Variants in HS6ST2 observed in about 807,000 individuals in gnomAD.
HS6ST2 encodes the protein heparan sulfate 6-O-sulfotransferase 2.
Under a neutral mutation model 33.0 loss-of-function variants are expected in HS6ST2, and 17 were observed. That is an observed-to-expected ratio of 0.52 (90% CI 0.35 to 0.77). HS6ST2 has a LOEUF of 0.77. Ranked by LOEUF, HS6ST2 falls within the 30% of genes least tolerant of loss-of-function variation. The probability of loss-of-function intolerance (pLI) is 0.01; values close to 1 mark genes in which losing one functional copy is unlikely to be tolerated. For missense variants in HS6ST2, 519 were observed against 551.7 expected (o/e 0.94, Z 0.59); for synonymous variants, 248 against 237.1 (o/e 1.05, Z -0.42).
chrX:132,857,490 A>C (rs886711342), intron 2 of HS6ST2, among the ~76,000 whole-genome samples: 1 of 110,389 alleles, frequency 9.1e-6, no homozygotes, highest in African/African-American at 3.3e-5. Flanking sequence ...TCTCAAAAAA[A>C]AAAAGAAAAA....
intron 2 of HS6ST2, among the ~76,000 whole-genome samples, chrX:132,716,632 A>G (rs1395626641): frequency 8.9e-6 from 1 of 112,273 alleles, no homozygotes; most frequent in African/African-American, 3.2e-5. Context: ...GATGCATTTC[A>G]GTTTGATCAT....
chrX:132,731,921 G>A (rs772396048), intron 2 of HS6ST2, among the ~76,000 whole-genome samples: 37 of 111,452 alleles, frequency 3.3e-4, no homozygotes, highest in African/African-American at 1.2e-3. Context: ...GCCTGCCCTG[G>A]GAGCTACTCT....
chrX:132,667,693 A>C (rs1232977358), intron 4 of HS6ST2: 1 of 112,370 alleles, frequency 8.9e-6, no homozygotes, highest in Non-Finnish European at 1.9e-5. Context: ...GGGACTAATA[A>C]ATGGAGATTG....
chrX:132,799,056 C>T (rs1251105618), intron 2 of HS6ST2, among the ~76,000 whole-genome samples: 1 of 111,487 alleles, frequency 9.0e-6, no homozygotes, highest in Non-Finnish European at 1.9e-5. Context: ...CCTATGTTGC[C>T]CAGGCTGGTG....
At chrX:132,794,168 A>G (rs2148346222) in intron 2 of HS6ST2, among the ~76,000 whole-genome samples, 1 of 112,248 alleles carries the variant, frequency 8.9e-6, no homozygotes, top group African/African-American at 3.2e-5. Flanking sequence ...ATCTCAAACT[A>G]GCTCTCATAT....
chrX:132,805,604 T>C (rs1467794480), intron 2 of HS6ST2, among the ~76,000 whole-genome samples: 2 of 109,137 alleles, frequency 1.8e-5, no homozygotes, highest in Non-Finnish European at 3.9e-5. Flanking sequence ...CAGCCCCAAG[T>C]ATACCTCATC....
chrX:132,912,352 A>G, intron 2 of HS6ST2, among the ~76,000 whole-genome samples: 1 of 112,649 alleles, frequency 8.9e-6, no homozygotes, highest in Non-Finnish European at 1.9e-5. Flanking sequence ...CCAAGATCAC[A>G]GCTGCCCCAG....
At chrX:132,789,810 T>C (rs1308045144) in intron 2 of HS6ST2, among the ~76,000 whole-genome samples, 1 of 111,371 alleles carries the variant, frequency 9.0e-6, no homozygotes, top group Non-Finnish European at 1.9e-5. Context: ...TCACTGCAGA[T>C]GTGGTGGAAA....
Position 132,958,405 on chromosome X carries a change from C to T in HS6ST2, c.198G>A (p.Pro66=), listed in dbSNP as rs770364296. 8.4e-7 allele frequency: 1 copy of T among 1,197,017 alleles called. No homozygotes were observed. Among genetic ancestry groups the T allele is most frequent in the Non-Finnish European group, 1.1e-6 (1 of 891,266 alleles). ...RGVSHGFHTR[P]LLDKPRKASS... Reference sequence around the variant, plus strand: ...ACGCCTTTCGGGGCTTGTCCAGGAGCGGCCGGGTGTGGAATCCGTGAGACA... The same window carrying T: ...ACGCCTTTCGGGGCTTGTCCAGGAGTGGCCGGGTGTGGAATCCGTGAGACA... The change falls in exon 1 of 5, where the codon CCG becomes CCA. Residue 66 remains proline, a synonymous_variant. Coordinates refer to ENST00000370833, the MANE Select transcript of HS6ST2 (RefSeq NM_001394073.1).
At chrX:132,861,661 G>A (rs1369513884) in intron 2 of HS6ST2, among the ~76,000 whole-genome samples, 5 of 112,225 alleles carry the variant, frequency 4.5e-5, no homozygotes, top group Admixed American at 9.4e-5. Context: ...TCTTTGAAAA[G>A]CCCTAATTCA....
At position 132,893,929 on chromosome X, in the gene HS6ST2, G is replaced by A. The variant is rs970331596; in HGVS notation, c.947+62879C>T. On this transcript the variant is annotated intron_variant, in intron 2 of 4. Transcript: ENST00000370833. ...GTTTTTTCCCCACTGCATCCCAGGA[G>A]CTTCATCCAGAGCTCACTAATTATC... 9.0e-5 allele frequency among the ~76,000 whole-genome samples: 10 copies of A among 110,943 alleles called. 1 individual carries two copies. Among genetic ancestry groups the A allele is most frequent in the Non-Finnish European group, 1.7e-4 (9 of 53,041 alleles).
chrX:132,663,233 C>T (rs1437115908), intron 4 of HS6ST2, among the ~76,000 whole-genome samples: 1 of 112,441 alleles, frequency 8.9e-6, no homozygotes, highest in Admixed American at 9.4e-5. Context: ...AGCTGACTAG[C>T]ACTAGGTTAA....
At chrX:132,947,417 T>C (rs935836312) in intron 2 of HS6ST2, among the ~76,000 whole-genome samples, 12 of 111,196 alleles carry the variant, frequency 1.1e-4, no homozygotes, top group African/African-American at 3.6e-4. Flanking sequence ...CTTTTAGCTC[T>C]GCCAACTTTT....
intron 4 of HS6ST2, among the ~76,000 whole-genome samples, chrX:132,649,007 T>C (rs1239621487): frequency 8.9e-6 from 1 of 112,514 alleles, no homozygotes; most frequent in African/African-American, 3.2e-5. Flanking sequence ...AATCGTGTTT[T>C]ACAGATGACT....
At chrX:132,855,252 C>T (rs2065842638) in intron 2 of HS6ST2, among the ~76,000 whole-genome samples, 1 of 112,013 alleles carries the variant, frequency 8.9e-6, no homozygotes, top group African/African-American at 3.2e-5. Context: ...TGAGGTTCTA[C>T]CATGTTCTAT....
Position 132,713,779 on chromosome X carries a change from T to C in HS6ST2, c.948-5285A>G, listed in dbSNP as rs1432431884. Among the ~76,000 whole-genome samples the C allele has an allele frequency of 2.7e-5, 3 of 111,140 alleles. 1 individual carries two copies. The highest frequency in any genetic ancestry group is 5.7e-5 in the Non-Finnish European group (3 of 52,961). On this transcript the variant is annotated intron_variant, in intron 2 of 4. Coordinates refer to ENST00000370833, the MANE Select transcript of HS6ST2 (RefSeq NM_001394073.1). ...TGTCTTGACTGCTCTTTTCACAGTG[T>C]CTGCCCTCCCCCGAGATACTAAACC...
chrX:132,639,688 T>A (rs1310517369), intron 4 of HS6ST2, among the ~76,000 whole-genome samples: 1 of 111,864 alleles, frequency 8.9e-6, no homozygotes, highest in Non-Finnish European at 1.9e-5. Context: ...AGGATTGGCA[T>A]CTGGAACTGC....
chrX:132,915,234 T>C (rs2066572997), intron 2 of HS6ST2, among the ~76,000 whole-genome samples: 1 of 112,102 alleles, frequency 8.9e-6, no homozygotes, highest in Non-Finnish European at 1.9e-5. Flanking sequence ...ATGCTCAGTA[T>C]AAGGCCATCC....
At chrX:132,697,368 G>GA (rs1337279469) in intron 3 of HS6ST2, among the ~76,000 whole-genome samples, 2 of 111,221 alleles carry the variant, frequency 1.8e-5, no homozygotes, top group African/African-American at 6.5e-5. Flanking sequence ...GTTGCAAAAA[G>GA]AAAAAAAGAG....
Sources: gnomAD v4.1 joint callset for allele counts (sites outside exome capture counted in the v4.1 genomes callset) on GRCh38, gnomAD v4.1.1 for gene constraint, MANE v1.5 for transcripts, NCBI Gene and HGNC (gene_info 2026-07-23, HGNC 2026-07-21) for gene names.